LPP: variants seen among roughly 807,000 people sequenced by gnomAD.
The protein encoded by LPP is LIM domain containing preferred translocation partner in lipoma.
In LPP, 38 loss-of-function variants were observed where a neutral mutation model predicts 60.4. The observed-to-expected ratio is 0.63, with a 90% CI of 0.49 to 0.83. The LOEUF is 0.83. Ranked by LOEUF, LPP falls within the 40% of genes least tolerant of loss-of-function variation. The probability of loss-of-function intolerance (pLI) is 0.00; values close to 1 mark genes in which losing one functional copy is unlikely to be tolerated. For synonymous variants in LPP, 328 were observed against 290.8 expected, an observed-to-expected ratio of 1.13 and a Z score of -1.30; for missense variants, 902 against 783.6, an observed-to-expected ratio of 1.15 and a Z score of -1.80.
chr3:188,250,776 T>TTCTGTCTGTCTTTC lies in LPP; in HGVS notation c.-67+25252_-67+25253insGTCTGTCTTTCTCT, dbSNP rs1480360616. On this transcript the variant is annotated intron_variant, in intron 2 of 11. Coordinates refer to ENST00000617246, the MANE Select transcript of LPP (RefSeq NM_001375462.1). The stretch of plus-strand genomic sequence containing the variant: ...TTTCTTTCTTTCTTTCTTTCTTTCT[T>TTCTGTCTGTCTTTC]TCTTTCTTTCTGTCTTTCTCTTTCT... Among the ~76,000 whole-genome samples the TTCTGTCTGTCTTTC allele has an allele frequency of 7.4e-5, 9 of 121,844 alleles. No homozygotes were observed. In the East Asian group the frequency reaches 2.0e-3, roughly 28 times the overall value. The allele number at this position is 121,844 out of a possible 152,430, so 79.9% of individuals were successfully genotyped here.
At position 188,884,707 on chromosome 3, in the gene LPP, A is replaced by C. The variant is rs1201480459; in HGVS notation, c.*10228A>C. 3 of 227,322 alleles carry C rather than the reference A, an allele frequency of 1.3e-5. No individual in the cohort carries two copies. Among genetic ancestry groups the C allele is most frequent in the African/African-American group, 6.7e-5 (3 of 44,982 alleles). The allele number at this position is 227,322 out of a possible 1,614,324, so 14.1% of individuals were successfully genotyped here. A position where few individuals can be genotyped will look rare whatever the true frequency, so the allele number is the denominator to read the frequency against. On this transcript the variant is annotated 3_prime_UTR_variant, in exon 12 of 12. Transcript: ENST00000617246. ...GTAGAGGTGACTCGATTCCTAAAAG[A>C]AGCCTCTCTCCCATGAACCACGATG...
intron 9 of LPP, among the ~76,000 whole-genome samples, chr3:188,782,906 C>G (rs1257459200): frequency 6.6e-6 from 1 of 152,120 alleles, no homozygotes; most frequent in Non-Finnish European, 1.5e-5. Context: ...CTCCTTCCTT[C>G]TCAAGGGATG....
intron 4 of LPP, among the ~76,000 whole-genome samples, chr3:188,478,313 C>A (rs1803773107): frequency 6.6e-5 from 10 of 152,064 alleles, no homozygotes; most frequent in Admixed American, 6.5e-4. Context: ...TAAATTGAGA[C>A]CTATTTCTGG....
intron 9 of LPP, among the ~76,000 whole-genome samples, chr3:188,838,915 G>A (rs975600699): frequency 6.6e-6 from 1 of 152,098 alleles, no homozygotes; most frequent in Non-Finnish European, 1.5e-5. Flanking sequence ...AATGCATGTG[G>A]ATCTTAAAAC....
In LPP at chr3:188,753,740, T is replaced by C. The variant is rs1577351595; in HGVS notation, c.1241-6373T>C. On this transcript the variant is annotated intron_variant, in intron 8 of 11. Coordinates refer to ENST00000617246, the MANE Select transcript of LPP (RefSeq NM_001375462.1). The stretch of plus-strand genomic sequence containing the variant: ...CTACCACTCATCCTAGTGGCAGTCA[T>C]TGATCCTTTTCTTGTTGCGAGTGTT... Among the ~76,000 whole-genome samples the C allele has an allele frequency of 3.9e-5, 6 of 152,190 alleles. No homozygotes were observed. The South Asian group carries it at 6.2e-4, about 16-fold the overall frequency.
intron 2 of LPP, among the ~76,000 whole-genome samples, chr3:188,328,591 A>G (rs1759103129): frequency 6.6e-6 from 1 of 152,188 alleles, no homozygotes; most frequent in South Asian, 2.1e-4. Context: ...CCCACATTTA[A>G]AGAACCATAG....
At chr3:188,269,804 C>A (rs1056834684) in intron 2 of LPP, among the ~76,000 whole-genome samples, 1 of 151,990 alleles carries the variant, frequency 6.6e-6, no homozygotes. Flanking sequence ...GCGCGTGCCA[C>A]CACGCCCTAA....
chr3:188,753,590 T>A (rs1341031492), intron 8 of LPP, among the ~76,000 whole-genome samples: 1 of 150,608 alleles, frequency 6.6e-6, no homozygotes, highest in Admixed American at 6.6e-5. Flanking sequence ...CGTGTGTGTG[T>A]GTGTGTGTGT....
At chr3:188,318,418 C>CAA (rs397946048) in intron 2 of LPP, among the ~76,000 whole-genome samples, 19,199 of 129,912 alleles carry the variant, frequency 0.15, 2,006 homozygotes, top group East Asian at 0.32. Context: ...TCCAAAAAAA[C>CAA]AAAAAAAAAA....
intron 9 of LPP, among the ~76,000 whole-genome samples, chr3:188,785,416 TTCCATC>T (rs1560201044): frequency 8.1e-5 from 1 of 12,376 alleles, no homozygotes; most frequent in African/African-American, 5.8e-4. Context: ...TATATATATA[TTCCATC>T]ATATATATAT....
At chr3:188,749,279 A>G (rs2150296073) in intron 8 of LPP, among the ~76,000 whole-genome samples, 1 of 152,286 alleles carries the variant, frequency 6.6e-6, no homozygotes, top group South Asian at 2.1e-4. Flanking sequence ...AGAGAGTGCT[A>G]CACTGAGAGC....
intron 2 of LPP, among the ~76,000 whole-genome samples, chr3:188,264,046 G>A (rs759005525): frequency 6.6e-6 from 1 of 152,150 alleles, no homozygotes; most frequent in Non-Finnish European, 1.5e-5. Context: ...TGTCATGTAG[G>A]CCTGTCTTGT....
intron 9 of LPP, among the ~76,000 whole-genome samples, chr3:188,815,465 T>C (rs1752202866): frequency 6.6e-6 from 1 of 151,338 alleles, no homozygotes; most frequent in African/African-American, 2.4e-5. Context: ...TTAGTTAAAA[T>C]AATATAAGCC....
chr3:188,549,781 A>T (rs906352256), intron 6 of LPP, among the ~76,000 whole-genome samples: 1 of 152,198 alleles, frequency 6.6e-6, no homozygotes, highest in Non-Finnish European at 1.5e-5. Context: ...GTATTTACTC[A>T]TGTATATTCT....
chr3:188,846,489 G>T (rs2151803491), intron 9 of LPP, among the ~76,000 whole-genome samples: 1 of 152,102 alleles, frequency 6.6e-6, no homozygotes, highest in African/African-American at 2.4e-5. Flanking sequence ...TTCAAGACCA[G>T]CCTGGCCAAC....
chr3:188,471,020 C>T (rs1801708923), intron 4 of LPP, among the ~76,000 whole-genome samples: 1 of 152,130 alleles, frequency 6.6e-6, no homozygotes, highest in Non-Finnish European at 1.5e-5. Flanking sequence ...GAGATCTTGT[C>T]AAATCTTGGG....
At chr3:188,461,577 A>G (rs975873657) in intron 4 of LPP, among the ~76,000 whole-genome samples, 2 of 152,194 alleles carry the variant, frequency 1.3e-5, no homozygotes, top group African/African-American at 4.8e-5. Context: ...TCATCTCCCC[A>G]TGAAAAACAC....
Position 188,582,327 on chromosome 3 carries a change from TTTTTTTC to T in LPP, c.430-26818_430-26812del, listed in dbSNP as rs1407402922. 3.3e-5 allele frequency among the ~76,000 whole-genome samples: 5 copies of T among 151,696 alleles called. No homozygotes were observed. In the South Asian group the frequency reaches 6.3e-4, roughly 19 times the overall value. ...AGGTGTGCACCATGCCTGGCTAATT[TTTTTTTC>T]TTTTTTCTTTTTTCTGTTTTCTTTT... On this transcript the variant is annotated intron_variant, in intron 6 of 11. Transcript: ENST00000617246.
intron 9 of LPP, among the ~76,000 whole-genome samples, chr3:188,831,094 T>C (rs577412948): frequency 4.6e-4 from 70 of 152,202 alleles, no homozygotes; most frequent in Non-Finnish European, 8.2e-4. Flanking sequence ...AAGATTTCTC[T>C]ATCATTCTGC....
Sources: gnomAD v4.1 joint callset for allele counts (sites outside exome capture counted in the v4.1 genomes callset) on GRCh38, gnomAD v4.1.1 for gene constraint, MANE v1.5 for transcripts, NCBI Gene and HGNC (gene_info 2026-07-23, HGNC 2026-07-21) for gene names.